The following EVI5 variants were observed in gnomAD, a reference collection of about 807,000 sequenced individuals.
EVI5 encodes ecotropic viral integration site 5, also known as ecotropic viral integration site 5 protein homolog.
Under a neutral mutation model 112.0 loss-of-function variants are expected in EVI5, and 73 were observed. That is an observed-to-expected ratio of 0.65 (90% CI 0.54 to 0.79). EVI5 has a LOEUF of 0.79. Ranked by LOEUF, EVI5 falls within the 30% of genes least tolerant of loss-of-function variation. The pLI is 0.00. For synonymous variants in EVI5, 305 were observed against 319.9 expected (o/e 0.95, Z 0.50); for missense variants, 900 against 968.8 (o/e 0.93, Z 0.94).
intron 2 of EVI5, chr1:92,732,434 T>C (rs768203141): frequency 4.7e-5 from 11 of 234,388 alleles, no homozygotes; most frequent in Admixed American, 2.7e-4. Flanking sequence ...AGGAATTGCA[T>C]TGAAATTGAG....
chr1:92,787,507 G>A (rs549084670), upstream of EVI5, among the ~76,000 whole-genome samples: 126 of 152,188 alleles, frequency 8.3e-4, no homozygotes, highest in South Asian at 0.011. Flanking sequence ...TGAGGCCGGC[G>A]GATCATTTAA....
intron 1 of EVI5, among the ~76,000 whole-genome samples, chr1:92,763,560 A>G (rs1280833194): frequency 6.6e-6 from 1 of 152,084 alleles, no homozygotes; most frequent in African/African-American, 2.4e-5. Context: ...CGCTGCAATG[A>G]GCTATGATCA....
chr1:92,542,479 T>A (rs969611033), intron 19 of EVI5, among the ~76,000 whole-genome samples: 1 of 152,202 alleles, frequency 6.6e-6, no homozygotes, highest in Non-Finnish European at 1.5e-5. Flanking sequence ...CTGTTAATGT[T>A]GATATTTTGA....
upstream of EVI5, among the ~76,000 whole-genome samples, chr1:92,785,360 AC>A (rs1005258049): frequency 6.6e-6 from 1 of 151,770 alleles, no homozygotes; most frequent in Non-Finnish European, 1.5e-5. Context: ...TAGAAGACAC[AC>A]CCCCTCGGGG....
chr1:92,573,200 G>C (rs965164633), intron 18 of EVI5, among the ~76,000 whole-genome samples: 7 of 151,524 alleles, frequency 4.6e-5, no homozygotes, highest in African/African-American at 1.7e-4. Context: ...CAAACATACA[G>C]ATTAAGGAAA....
intron 16 of EVI5, 150 bp downstream of exon 16, chr1:92,624,026 T>C (rs1655121160): frequency 6.5e-6 from 4 of 615,508 alleles, no homozygotes; most frequent in Admixed American, 6.3e-5. Flanking sequence ...TATAATAATT[T>C]TTTGCCATCT....
chr1:92,685,302 C>A (rs1230599857), intron 9 of EVI5, among the ~76,000 whole-genome samples: 1 of 152,196 alleles, frequency 6.6e-6, no homozygotes, highest in Non-Finnish European at 1.5e-5. Context: ...TCCTGAGTGA[C>A]TACTGGGTAC....
chr1:92,700,878 C>T (rs1671042494), intron 5 of EVI5: 1 of 152,204 alleles, frequency 6.6e-6, no homozygotes, highest in Non-Finnish European at 1.5e-5. Context: ...TTTCAATTAG[C>T]AATAATTGCG....
intron 13 of EVI5, among the ~76,000 whole-genome samples, chr1:92,652,974 C>A (rs1662388891): frequency 1.3e-5 from 2 of 152,124 alleles, no homozygotes; most frequent in South Asian, 4.2e-4. Context: ...CTGTGACAAA[C>A]CACTGGTAAC....
intron 19 of EVI5, among the ~76,000 whole-genome samples, chr1:92,523,450 A>G (rs1661302979): frequency 6.6e-6 from 1 of 152,068 alleles, no homozygotes; most frequent in African/African-American, 2.4e-5. Context: ...ATTTTTTAAA[A>G]AATATATTAC....
intron 19 of EVI5, among the ~76,000 whole-genome samples, chr1:92,547,806 G>C (rs1419883076): frequency 1.3e-5 from 2 of 152,188 alleles, no homozygotes; most frequent in East Asian, 3.8e-4. Context: ...GGAAGAAGTT[G>C]AATCTCTGAA....
chr1:92,659,169 A>ATTTAAAAAG (rs1259215628), intron 13 of EVI5, among the ~76,000 whole-genome samples: 4 of 152,156 alleles, frequency 2.6e-5, no homozygotes, highest in Admixed American at 6.5e-5. Flanking sequence ...CCTGGGAAGA[A>ATTTAAAAAG]CCTATCTGCT....
chr1:92,552,007 T>A (rs1667014657), intron 19 of EVI5, among the ~76,000 whole-genome samples: 1 of 152,056 alleles, frequency 6.6e-6, no homozygotes. Flanking sequence ...GTTTTTCAGT[T>A]TTTTGGCTAC....
chr1:92,588,796 T>C (rs942176361), intron 18 of EVI5, among the ~76,000 whole-genome samples: 2 of 152,258 alleles, frequency 1.3e-5, no homozygotes, highest in African/African-American at 4.8e-5. Flanking sequence ...GTTCTTCACA[T>C]GTGGGTTTTA....
intron 16 of EVI5, among the ~76,000 whole-genome samples, chr1:92,609,354 G>A (rs549659158): frequency 1.3e-5 from 2 of 152,150 alleles, no homozygotes; most frequent in South Asian, 4.1e-4. Flanking sequence ...GTCATGTCAT[G>A]TAATTTCATT....
chr1:92,635,144 G>C (rs940008101), intron 14 of EVI5, among the ~76,000 whole-genome samples: 1 of 152,216 alleles, frequency 6.6e-6, no homozygotes, highest in African/African-American at 2.4e-5. Context: ...CACTTGAGGA[G>C]GCAGTCTGTC....
At chr1:92,585,353 A>G (rs949047479) in intron 18 of EVI5, among the ~76,000 whole-genome samples, 2 of 152,126 alleles carry the variant, frequency 1.3e-5, no homozygotes, top group African/African-American at 4.8e-5. Flanking sequence ...TTAGCAGGGC[A>G]TGGTGGGGTG....
At chr1:92,773,388 C>T (rs999475110) in intron 1 of EVI5, among the ~76,000 whole-genome samples, 1 of 152,062 alleles carries the variant, frequency 6.6e-6, no homozygotes, top group Non-Finnish European at 1.5e-5. Flanking sequence ...CAAAAGAAAA[C>T]ACACTGTTAT....
intron 16 of EVI5, among the ~76,000 whole-genome samples, chr1:92,617,203 A>G (rs1438350076): frequency 6.6e-6 from 1 of 152,242 alleles, no homozygotes; most frequent in Non-Finnish European, 1.5e-5. Context: ...AAATCTTCCC[A>G]GTGGGCAGAA....
Sources: allele counts gnomAD v4.1 joint callset (sites outside exome capture counted in the v4.1 genomes callset), GRCh38; gene constraint gnomAD v4.1.1; transcripts MANE v1.5; gene names NCBI Gene and HGNC (gene_info 2026-07-23, HGNC 2026-07-21).